INTS1: variants seen among roughly 807,000 people sequenced by gnomAD.
INTS1 encodes integrator complex subunit 1.
Under a neutral mutation model 241.6 loss-of-function variants are expected in INTS1, and 137 were observed. The observed-to-expected ratio is 0.57, with a 90% CI of 0.49 to 0.65. The LOEUF (loss-of-function observed/expected upper bound fraction) is 0.65. Among genes scored for constraint, INTS1 ranks in the 30% least tolerant of loss-of-function variants. The probability of loss-of-function intolerance (pLI) is 0.00; values close to 1 mark genes in which losing one functional copy is unlikely to be tolerated. For missense variants in INTS1, 3,073 were observed against 3,032.2 expected (o/e 1.01, Z -0.32); for synonymous variants, 1,692 against 1,337.8 (o/e 1.26, Z -5.78).
At chr7:1,474,540 C>T (rs1191426915) in intron 40 of INTS1, among the ~76,000 whole-genome samples, 165 bp downstream of exon 40, 6 of 152,234 alleles carry the variant, frequency 3.9e-5, no homozygotes, top group African/African-American at 1.2e-4. Context: ...GCTCCTCCCA[C>T]CTGAGGCCCA....
rs751153775 is a variant in INTS1, at chr7:1,474,281, T to C, written c.5716A>G (p.Ser1906Gly). 6.2e-7 allele frequency: 1 copy of C among 1,608,738 alleles called. No homozygotes were observed. Among genetic ancestry groups the C allele is most frequent in the Non-Finnish European group, 8.5e-7 (1 of 1,179,034 alleles). The part of the protein sequence containing the change: ...FQEFRQQNHL[S>G]CFLHVLGLLE... Reference sequence around the variant, plus strand: ...AGGCCCAGCACGTGCAGGAAGCAGCTCAGGTGGTTCTGCTGCCGGAACTCC... The same window carrying C: ...AGGCCCAGCACGTGCAGGAAGCAGCCCAGGTGGTTCTGCTGCCGGAACTCC... Residue 1906 changes from serine to glycine, a missense_variant, in exon 41 of 48, where the codon AGC becomes GGC. Ser to Gly is a moderately conservative substitution (Grantham distance 56). Coordinates refer to ENST00000404767, the MANE Select transcript of INTS1 (RefSeq NM_001080453.3).
At chr7:1,487,565 A>C in intron 19 of INTS1, 116 bp from the exon 20 acceptor site, 1 of 1,378,642 alleles carries the variant, frequency 7.3e-7, no homozygotes, top group Non-Finnish European at 9.9e-7. Context: ...CGGGCAACCC[A>C]TCCTGACCTG....
At chr7:1,477,165 G>A (rs987214085) in intron 35 of INTS1, among the ~76,000 whole-genome samples, 4 of 152,220 alleles carry the variant, frequency 2.6e-5, no homozygotes, top group African/African-American at 7.2e-5. Flanking sequence ...TCTCTGGTGA[G>A]GCCGTCCCTC....
In INTS1 at chr7:1,504,312, G is replaced by A. The variant is rs889059979; in HGVS notation, c.-42+11C>T. 3.7e-6 allele frequency: 2 copies of A among 536,020 alleles called. No individual in the cohort carries two copies. Among genetic ancestry groups the A allele is most frequent in the Non-Finnish European group, 7.0e-6 (2 of 284,576 alleles). 33.2% of individuals were successfully genotyped at this position (536,020 alleles called of 1,614,324 possible). A position where few individuals can be genotyped will look rare whatever the true frequency, so the allele number is the denominator to read the frequency against. On this transcript the variant is annotated intron_variant, in intron 1 of 47. Transcript: ENST00000404767. ...GGCAATGAGGAAGCGCCCAGGCCGCGGCTCACTTACCTCTGGCCCATCGCG... is the reference window on the plus strand; with the variant it reads ...GGCAATGAGGAAGCGCCCAGGCCGCAGCTCACTTACCTCTGGCCCATCGCG...
rs776132429 is a variant in INTS1 at position 1,478,444 on chromosome 7, T to C, written c.4552A>G (p.Ser1518Gly). Residue 1518 changes from serine to glycine, a missense_variant, in exon 33 of 48, where the codon AGC (serine) becomes GGC (glycine). Ser to Gly is a moderately conservative substitution (Grantham distance 56, BLOSUM62 0). Coordinates refer to ENST00000404767, the MANE Select transcript of INTS1 (RefSeq NM_001080453.3). ...LAFRQDLEVVSSTVRAVIATL... is the reference protein window; with the variant it reads ...LAFRQDLEVVGSTVRAVIATL... Reference sequence around the variant, plus strand: ...GCGATGACGGCACGGACGGTGGAGCTGACCACCTCCAGGTCCTGACGGAAG... The same window carrying C: ...GCGATGACGGCACGGACGGTGGAGCCGACCACCTCCAGGTCCTGACGGAAG... The C allele has an allele frequency of 6.2e-6, 10 of 1,612,518 alleles. No homozygotes were observed. In the East Asian group the frequency reaches 6.7e-5, roughly 11 times the overall value.
chr7:1,476,957 G>C, intron 35 of INTS1, 39 bp from the exon 36 acceptor site: 1 of 1,586,204 alleles, frequency 6.3e-7, no homozygotes, highest in Non-Finnish European at 8.5e-7. Context: ...CCTCACCTGG[G>C]CCAATGGCAG....
Position 1,500,320 on chromosome 7 carries a change from C to CA in INTS1, c.395_396insT (p.Glu132AspfsTer5). 6.3e-7 allele frequency: 1 copy of CA among 1,591,550 alleles called. No individual in the cohort carries two copies. ...CGCCCTCGATCCTGTCATCGTTGCC[C>CA]TCCAGCTCGGCCGCCTCGATCTCAT... On this transcript the variant is annotated frameshift_variant, in exon 4 of 48. Transcript: ENST00000404767. LOFTEE classifies it high-confidence loss of function.
chr7:1,471,069 A>C, intron 46 of INTS1, 64 bp downstream of exon 46: 6 of 1,527,068 alleles, frequency 3.9e-6, no homozygotes, highest in Non-Finnish European at 5.3e-6. Flanking sequence ...AGGCGGGTCA[A>C]GCGGTGACCT....
chr7:1,471,984 T>C (rs10266156), intron 44 of INTS1, among the ~76,000 whole-genome samples: 13,279 of 152,172 alleles, frequency 0.087, 1,868 homozygotes, highest in African/African-American at 0.3. Context: ...CCCGCTGGTC[T>C]TGCCCACCCG....
chr7:1,470,529 C>T lies in INTS1; in HGVS notation c.*48G>A, dbSNP rs371773009. On this transcript the variant is annotated 3_prime_UTR_variant, in exon 48 of 48. Coordinates refer to ENST00000404767, the MANE Select transcript of INTS1 (RefSeq NM_001080453.3). ...TCCTGGGCTTTGCCTCGAGGATCCCCGGGGACGGGACGGGCCGGGGCTTGG... is the reference window on the plus strand; with the variant it reads ...TCCTGGGCTTTGCCTCGAGGATCCCTGGGGACGGGACGGGCCGGGGCTTGG... 4.3e-5 allele frequency: 61 copies of T among 1,410,190 alleles called. No individual in the cohort carries two copies. In the African/African-American group the frequency reaches 5.7e-4, roughly 13 times the overall value. 87.4% of individuals were successfully genotyped at this position (1,410,190 alleles called of 1,614,324 possible).
intron 18 of INTS1, among the ~76,000 whole-genome samples, chr7:1,489,112 C>T (rs1451146441): frequency 4.6e-5 from 7 of 152,070 alleles, no homozygotes; most frequent in African/African-American, 1.7e-4. Flanking sequence ...GCGGACCTCC[C>T]TGCTGGCCTC....
Position 1,493,917 on chromosome 7 carries a change from G to A in INTS1, c.1911-6C>T, listed in dbSNP as rs771444731. 2.6e-6 allele frequency: 4 copies of A among 1,556,128 alleles called. No individual in the cohort carries two copies. The East Asian group carries it at 7.3e-5, about 28-fold the overall frequency. Reference sequence around the variant, plus strand: ...AGCACAGACGCAGGAAGAAGCTGCGGGGTGGGGGAGGCATGACTCGGTGTG... The same window carrying A: ...AGCACAGACGCAGGAAGAAGCTGCGAGGTGGGGGAGGCATGACTCGGTGTG... On this transcript the variant is annotated splice_polypyrimidine_tract_variant and splice_region_variant and intron_variant, in intron 14 of 47. Coordinates refer to ENST00000404767, the MANE Select transcript of INTS1 (RefSeq NM_001080453.3). This position sits in a 1 kb window ranked among gnomAD's most constrained non-coding sequence, Gnocchi z 5.3.
chr7:1,482,777 A>G, intron 26 of INTS1, 70 bp from the exon 27 acceptor site: 1 of 1,551,004 alleles, frequency 6.4e-7, no homozygotes, highest in East Asian at 2.3e-5. Context: ...CGCTGGTGCC[A>G]AGGCTAGAGG....
At position 1,493,929 on chromosome 7, in the gene INTS1, C is replaced by T. The variant is rs767482305; in HGVS notation, c.1911-18G>A. Reference sequence around the variant, plus strand: ...GGAAGAAGCTGCGGGGTGGGGGAGGCATGACTCGGTGTGGGCTGCCCACAC... The same window carrying T: ...GGAAGAAGCTGCGGGGTGGGGGAGGTATGACTCGGTGTGGGCTGCCCACAC... On this transcript the variant is annotated intron_variant, in intron 14 of 47. Coordinates refer to ENST00000404767, the MANE Select transcript of INTS1 (RefSeq NM_001080453.3). This position sits in a 1 kb window ranked among gnomAD's most constrained non-coding sequence, Gnocchi z 5.3. 9 of 1,550,394 alleles carry T rather than the reference C, an allele frequency of 5.8e-6. No individual in the cohort carries two copies. The East Asian group carries it at 9.8e-5, about 17-fold the overall frequency.
chr7:1,486,628 C>T lies in INTS1; in HGVS notation c.2973G>A (p.Met991Ile), dbSNP rs932003618. ...AAAGACCCGCCCACCACCTCACCTT[C>T]ATGGCCAGCACGCGGGAGGCCACCT... ...SSQVASRVLA[M>I]KGLSLVLSEG... is the part of the protein sequence containing the mutation. Residue 991 changes from methionine (M) to isoleucine (I), a missense_variant, in exon 22 of 48, where the codon ATG becomes ATA. Coordinates refer to ENST00000404767, the MANE Select transcript of INTS1 (RefSeq NM_001080453.3). 1.9e-6 allele frequency: 3 copies of T among 1,611,262 alleles called. No homozygotes were observed. In the African/African-American group the frequency reaches 4.0e-5, roughly 22 times the overall value.
At position 1,473,247 on chromosome 7, in the gene INTS1, G is replaced by C. The variant is rs1051021589; in HGVS notation, c.5958-63C>G. The C allele has an allele frequency of 8.4e-6, 10 of 1,195,994 alleles. No individual in the cohort carries two copies. In the East Asian group the frequency reaches 1.4e-4, roughly 17 times the overall value. The allele number at this position is 1,195,994 out of a possible 1,614,324, so 74.1% of individuals were successfully genotyped here. A position where few individuals can be genotyped will look rare whatever the true frequency, so the allele number is the denominator to read the frequency against. On this transcript the variant is annotated intron_variant, in intron 42 of 47. Coordinates refer to ENST00000404767, the MANE Select transcript of INTS1 (RefSeq NM_001080453.3). Reference sequence around the variant, plus strand: ...CTGGCAGGAGGAAGGCTGGGTCAGGGGTCAAACTAGGGTGGCATGGGAGCG... The same window carrying C: ...CTGGCAGGAGGAAGGCTGGGTCAGGCGTCAAACTAGGGTGGCATGGGAGCG...
At chr7:1,502,861 G>C (rs150408181) in intron 3 of INTS1, 40 bp downstream of exon 3, 2 of 1,607,510 alleles carry the variant, frequency 1.2e-6, no homozygotes, top group South Asian at 2.2e-5. Flanking sequence ...GACGGCATGA[G>C]CTGAGGGGTG....
In INTS1 at chr7:1,487,457, C is replaced by T. The variant is rs7785699; in HGVS notation, c.2517-8G>A. ...GGCCTCCGGGGGGGCCCCCTGAGGG[C>T]CACAGGGGACACGGTGCGTCAGCAC... is the stretch of plus-strand genomic sequence containing the variant. On this transcript the variant is annotated splice_region_variant and splice_polypyrimidine_tract_variant and intron_variant, in intron 19 of 47. Transcript: ENST00000404767. The T allele has an allele frequency of 8.3e-3, 13,393 of 1,609,712 alleles. 653 individuals carry two copies. The African/African-American group carries it at 0.12, about 15-fold the overall frequency.
intron 26 of INTS1, chr7:1,483,410 C>T (rs1404171908): frequency 2.4e-6 from 1 of 415,194 alleles, no homozygotes; most frequent in South Asian, 2.3e-5. Context: ...GGTGAAATCC[C>T]GAGTTTGCCG....
Sources: gnomAD v4.1 joint callset for allele counts (sites outside exome capture counted in the v4.1 genomes callset) on GRCh38, gnomAD v4.1.1 for gene constraint, Gnocchi (gnomAD v3.1) non-coding constraint, MANE v1.5 for transcripts, NCBI Gene and HGNC (gene_info 2026-07-23, HGNC 2026-07-21) for gene names.